TREH: variants seen among roughly 807,000 people sequenced by gnomAD.
TREH encodes the protein alpha,alpha-trehalose glucohydrolase.
A neutral mutation model predicts 80.5 loss-of-function variants in TREH; 69 were observed. That is an observed-to-expected ratio of 0.86 (90% CI 0.71 to 1.05). The LOEUF (loss-of-function observed/expected upper bound fraction) is 1.05. TREH is among the 50% of genes least tolerant of loss of function. TREH has a pLI of 0.00. For missense variants in TREH, 716 were observed against 718.8 expected (o/e 1.00, Z 0.04); for synonymous variants, 309 against 293.5 (o/e 1.05, Z -0.54).
intron 1 of TREH, among the ~76,000 whole-genome samples, chr11:118,664,323 T>TGCA (rs1555145485): frequency 9.2e-5 from 14 of 152,228 alleles, no homozygotes; most frequent in African/African-American, 3.4e-4. Context: ...ATCACCTCAG[T>TGCA]GGACTGAATT....
At chr11:118,671,182 G>C (rs1472793800) in intron 1 of TREH, among the ~76,000 whole-genome samples, 2 of 152,142 alleles carry the variant, frequency 1.3e-5, no homozygotes, top group African/African-American at 4.8e-5. Flanking sequence ...GCTAGATAAG[G>C]TGAAGGCACA....
chr11:118,673,958 A>C (rs1949453506), intron 1 of TREH, among the ~76,000 whole-genome samples: 1 of 152,168 alleles, frequency 6.6e-6, no homozygotes, highest in African/African-American at 2.4e-5. Flanking sequence ...TTGGCAATAG[A>C]ATCTAACAAC....
intron 9 of TREH, 29 bp from the exon 10 acceptor site, chr11:118,660,762 G>C (rs1407056590): frequency 1.9e-6 from 3 of 1,554,234 alleles, no homozygotes; most frequent in East Asian, 2.4e-5. Context: ...GAACCAGCCA[G>C]TCCCGGCTGC....
rs781988175 is a variant in TREH at position 118,659,800 on chromosome 11, C to T, written c.1267G>A (p.Ala423Thr). The T allele has an allele frequency of 1.9e-6, 3 of 1,583,592 alleles. No individual in the cohort carries two copies. The highest frequency in any genetic ancestry group is 1.8e-5 in the Admixed American group (1 of 55,208). Residue 423 changes from alanine (A) to threonine (T), a missense_variant, in exon 11 of 15, where the codon GCC becomes ACC. Ala to Thr is a moderately conservative substitution (Grantham distance 58). Transcript: ENST00000264029. ...ACGCCAGGGTCAGAGAAACACCCGG[C>T]CCAGAGTGGAGTGAGGTTGGATGGG... The part of the protein sequence containing the change: ...FYPSNLTPLW[A>T]GCFSDPGVAD...
intron 1 of TREH, among the ~76,000 whole-genome samples, chr11:118,663,662 G>A (rs886480887): frequency 6.6e-6 from 1 of 152,132 alleles, no homozygotes; most frequent in African/African-American, 2.4e-5. Flanking sequence ...GTACCTGTCC[G>A]ACTGCCTGAG....
At chr11:118,665,128 G>A (rs1306758228) in intron 1 of TREH, among the ~76,000 whole-genome samples, 1 of 151,776 alleles carries the variant, frequency 6.6e-6, no homozygotes, top group Non-Finnish European at 1.5e-5. Flanking sequence ...AAAAAAGTGT[G>A]TGCTCACATT....
At chr11:118,679,330 TAAC>T (rs371138267) in intron 1 of TREH, among the ~76,000 whole-genome samples, 21 of 152,108 alleles carry the variant, frequency 1.4e-4, no homozygotes, top group African/African-American at 3.4e-4. Context: ...AGCAAGACTC[TAAC>T]AACAACAACA....
At position 118,661,758 on chromosome 11, in the gene TREH, C is replaced by T. The variant is rs903264760; in HGVS notation, c.525-29G>A. On this transcript the variant is annotated intron_variant, in intron 5 of 14. Transcript: ENST00000264029. The surrounding 1 kb of genome is among the most constrained non-coding windows in gnomAD (Gnocchi z 4.2). ...GGGAAGGGGCAGCTTAGGCACCACC[C>T]TGCTGCCTCCCTCTGCCCTGCACAC... The T allele has an allele frequency of 3.1e-6, 5 of 1,608,146 alleles. No individual in the cohort carries two copies. Among genetic ancestry groups the T allele is most frequent in the Non-Finnish European group, 4.3e-6 (5 of 1,174,890 alleles).
intron 8 of TREH, 57 bp from the exon 9 acceptor site, chr11:118,660,972 G>A: frequency 6.4e-7 from 1 of 1,551,604 alleles, no homozygotes; most frequent in East Asian, 2.4e-5. Flanking sequence ...CCCCTCTGTG[G>A]TCAAGAAGAG....
At chr11:118,679,411 C>G in intron 1 of TREH, 128 bp downstream of exon 1, 20 of 1,169,960 alleles carry the variant, frequency 1.7e-5, no homozygotes, top group Non-Finnish European at 2.3e-5. Context: ...ATTTTCTTCT[C>G]TTCCCTACTC....
chr11:118,673,892 C>T (rs1352176416), intron 1 of TREH, among the ~76,000 whole-genome samples: 2 of 152,210 alleles, frequency 1.3e-5, no homozygotes, highest in African/African-American at 2.4e-5. Flanking sequence ...GACTGCCATC[C>T]ATAAGCCAAA....
rs561431611 is a variant in TREH at position 118,658,706 on chromosome 11, C to T, written c.1573G>A (p.Gly525Ser). 5.7e-5 allele frequency: 92 copies of T among 1,602,078 alleles called. No homozygotes were observed. The East Asian group carries it at 1.5e-3, about 27-fold the overall frequency. The change falls in exon 14 of 15, where the codon GGT (glycine) becomes AGT (serine). Residue 525 changes from glycine to serine, a missense_variant. Gly to Ser is a moderately conservative substitution (Grantham distance 56). Transcript: ENST00000264029. ...TGAACTTCATATTCTCCTCCCCCAC[C>T]GGGCTGTCCACCGTTGCTGACGTCA... ...KYDVSNGGQPGGGGEYEVQEG... is the reference protein window; with the variant it reads ...KYDVSNGGQPSGGGEYEVQEG...
At chr11:118,666,650 CT>C (rs1483062284) in intron 1 of TREH, among the ~76,000 whole-genome samples, 2 of 152,188 alleles carry the variant, frequency 1.3e-5, no homozygotes, top group African/African-American at 4.8e-5. Context: ...AGGAACTACT[CT>C]TTTTGGGGCC....
At chr11:118,666,395 C>T (rs1949378178) in intron 1 of TREH, among the ~76,000 whole-genome samples, 1 of 152,158 alleles carries the variant, frequency 6.6e-6, no homozygotes, top group Non-Finnish European at 1.5e-5. Flanking sequence ...CACGATTATA[C>T]CAGATGCCTG....
At chr11:118,658,591 G>A (rs186866407) in intron 14 of TREH, 89 bp downstream of exon 14, 1 of 1,531,732 alleles carries the variant, frequency 6.5e-7, no homozygotes, top group East Asian at 2.5e-5. Flanking sequence ...CCACATGCAG[G>A]TGAGCACACT....
At chr11:118,672,971 TC>T (rs1949444296) in intron 1 of TREH, among the ~76,000 whole-genome samples, 1 of 152,162 alleles carries the variant, frequency 6.6e-6, no homozygotes, top group Admixed American at 6.5e-5. Context: ...AGTCATTGTC[TC>T]CCAGCCCCTC....
intron 1 of TREH, among the ~76,000 whole-genome samples, chr11:118,673,253 C>T (rs1160746718): frequency 2.0e-5 from 3 of 152,110 alleles, no homozygotes; most frequent in Non-Finnish European, 2.9e-5. Context: ...TTTGTTCTGA[C>T]CCTTTTACAG....
At chr11:118,678,357 CTAT>C (rs35368922) in intron 1 of TREH, among the ~76,000 whole-genome samples, 52,557 of 150,956 alleles carry the variant, frequency 0.35, 9,411 homozygotes, top group Admixed American at 0.47. Context: ...TGTTTTGCTT[CTAT>C]TATTATTATT....
intron 1 of TREH, among the ~76,000 whole-genome samples, chr11:118,677,199 C>T (rs1052739927): frequency 2.6e-5 from 4 of 152,216 alleles, no homozygotes; most frequent in East Asian, 1.9e-4. Flanking sequence ...AGGTAGTCCA[C>T]GCTTTCATCA....
Sources: allele counts gnomAD v4.1 joint callset (sites outside exome capture counted in the v4.1 genomes callset), GRCh38; gene constraint gnomAD v4.1.1; non-coding constraint Gnocchi (gnomAD v3.1); transcripts MANE v1.5; gene names NCBI Gene and HGNC (gene_info 2026-07-23, HGNC 2026-07-21).